The following ATP6V1A variants were observed in gnomAD, a reference collection of about 807,000 sequenced individuals.
ATP6V1A encodes the protein ATPase H+ transporting V1 subunit A.
A neutral mutation model predicts 70.1 loss-of-function variants in ATP6V1A; 18 were observed. The ratio of observed to expected loss-of-function variants is 0.26; its 90% CI spans 0.18 to 0.38. The LOEUF is 0.38. ATP6V1A is among the 10% of genes least tolerant of loss of function. The pLI is 1.00. For missense variants in ATP6V1A, 424 were observed against 772.4 expected (o/e 0.55, Z 5.35); for synonymous variants, 232 against 253.8 (o/e 0.91, Z 0.82).
In ATP6V1A at chr3:113,759,005, T is replaced by C. The variant is rs1359703613; in HGVS notation, c.-14+11892T>C. On this transcript the variant is annotated intron_variant, in intron 1 of 14. Transcript: ENST00000273398. ...TGTTCAAATCTTTTGCCTGTTTTAATTGAGTTTTCCTATTATTGAGTTTTG... is the reference window on the plus strand; with the variant it reads ...TGTTCAAATCTTTTGCCTGTTTTAACTGAGTTTTCCTATTATTGAGTTTTG... Among the ~76,000 whole-genome samples the C allele has an allele frequency of 2.0e-5, 3 of 152,218 alleles. No individual in the cohort carries two copies. In the East Asian group the frequency reaches 5.8e-4, roughly 29 times the overall value.
intron 11 of ATP6V1A, among the ~76,000 whole-genome samples, chr3:113,796,312 C>G (rs1187628927): frequency 1.3e-5 from 2 of 152,152 alleles, no homozygotes; most frequent in African/African-American, 2.4e-5. Context: ...ATCCAAGGCT[C>G]TCTTCTGTTT....
intron 3 of ATP6V1A, among the ~76,000 whole-genome samples, chr3:113,781,812 A>G (rs935704728): frequency 6.6e-6 from 1 of 152,206 alleles, no homozygotes; most frequent in Non-Finnish European, 1.5e-5. Context: ...ACAGAATAAC[A>G]ATATTGACTT....
Position 113,807,141 on chromosome 3 carries a change from C to T in ATP6V1A, c.1761+1616C>T, listed in dbSNP as rs186619962. On this transcript the variant is annotated intron_variant, in intron 14 of 14. Transcript: ENST00000273398. ...AAAGGAAGTAATCAGAATTTTGATA[C>T]GGATATACACGGTCGTTTATTAAAT... Among the ~76,000 whole-genome samples the T allele has an allele frequency of 3.6e-4, 55 of 151,082 alleles. 1 individual carries two copies. The Middle Eastern group carries it at 0.01, about 28-fold the overall frequency.
Position 113,798,323 on chromosome 3 carries a change from T to C in ATP6V1A, c.1371T>C (p.Tyr457=). 2 of 1,614,024 alleles carry C rather than the reference T, an allele frequency of 1.2e-6. No homozygotes were observed. The highest frequency in any genetic ancestry group is 2.2e-5 in the East Asian group (1 of 44,880). The change falls in exon 12 of 15, where the codon TAT becomes TAC. Residue 457 remains tyrosine (Y), a synonymous_variant. Coordinates refer to ENST00000273398, the MANE Select transcript of ATP6V1A (RefSeq NM_001690.4). ...ATTGGCTCATCAGCTACAGCAAGTA[T>C]ATGCGTGCCTTGGATGAATACTATG... ...SVNWLISYSK[Y]MRALDEYYDK...
At chr3:113,770,139 C>T (rs902769675) in intron 1 of ATP6V1A, among the ~76,000 whole-genome samples, 15 of 151,984 alleles carry the variant, frequency 9.9e-5, no homozygotes, top group African/African-American at 3.1e-4. Context: ...ACCTCCACCT[C>T]CCGGGTTCAA....
At position 113,794,894 on chromosome 3, in the gene ATP6V1A, C is replaced by A. The variant is rs753415098; in HGVS notation, c.1011C>A (p.Phe337Leu). 1 of 1,613,380 alleles carries A rather than the reference C, an allele frequency of 6.2e-7. No individual in the cohort carries two copies. The highest frequency in any genetic ancestry group is 1.1e-5 in the South Asian group (1 of 90,940). Residue 337 changes from phenylalanine (F) to leucine (L), a missense_variant, in exon 9 of 15, where the codon TTC (phenylalanine) becomes TTA (leucine). Phe to Leu is a conservative substitution (Grantham distance 22). Transcript: ENST00000273398. ...TAGGAATCACACTGTCAGAGTACTT[C>A]CGTGACATGGGCTATCATGTCAGTA... ...IYTGITLSEY[F>L]RDMGYHVSMM...
chr3:113,755,306 C>T (rs2108007974), intron 1 of ATP6V1A, among the ~76,000 whole-genome samples: 1 of 151,502 alleles, frequency 6.6e-6, no homozygotes, highest in African/African-American at 2.4e-5. Flanking sequence ...ACATAAGGAC[C>T]GTATATATAT....
chr3:113,795,776 A>G, intron 10 of ATP6V1A, 100 bp from the exon 11 acceptor site: 1 of 905,276 alleles, frequency 1.1e-6, no homozygotes, highest in Non-Finnish European at 1.6e-6. Context: ...TTACATTAAA[A>G]TCGACTTTAA....
chr3:113,782,938 G>A (rs1708996091), intron 3 of ATP6V1A, among the ~76,000 whole-genome samples: 1 of 152,052 alleles, frequency 6.6e-6, no homozygotes, highest in Non-Finnish European at 1.5e-5. Flanking sequence ...TTAAAAGTAT[G>A]TGTATTCTAG....
intron 1 of ATP6V1A, among the ~76,000 whole-genome samples, chr3:113,773,988 C>T (rs1328320471): frequency 6.6e-6 from 1 of 151,688 alleles, no homozygotes; most frequent in East Asian, 1.9e-4. Flanking sequence ...GCAGCTGGCA[C>T]ATCATCAATG....
intron 1 of ATP6V1A, among the ~76,000 whole-genome samples, chr3:113,772,449 T>C (rs1023160387): frequency 1.1e-4 from 16 of 152,174 alleles, no homozygotes; most frequent in African/African-American, 3.6e-4. Flanking sequence ...AAAATGGGGC[T>C]GGGCACCATG....
intron 1 of ATP6V1A, among the ~76,000 whole-genome samples, chr3:113,756,385 A>G (rs1041367067): frequency 6.6e-5 from 10 of 152,228 alleles, no homozygotes; most frequent in African/African-American, 2.4e-4. Flanking sequence ...AGCCATGTCA[A>G]AGGTAAGTAC....
chr3:113,783,472 G>A (rs530483736), intron 3 of ATP6V1A, among the ~76,000 whole-genome samples: 2 of 152,074 alleles, frequency 1.3e-5, no homozygotes, highest in Admixed American at 6.6e-5. Flanking sequence ...TTTAGGTTTT[G>A]TCCAAGTACT....
intron 7 of ATP6V1A, among the ~76,000 whole-genome samples, chr3:113,789,087 G>T (rs541055256): frequency 1.0e-3 from 152 of 151,988 alleles, no homozygotes; most frequent in African/African-American, 3.1e-3. Flanking sequence ...CACTCTTTTT[G>T]CCCAGGCTGG....
At chr3:113,787,627 A>C (rs959131000) in intron 6 of ATP6V1A, among the ~76,000 whole-genome samples, 4 of 152,248 alleles carry the variant, frequency 2.6e-5, no homozygotes, top group Admixed American at 1.3e-4. Context: ...ATGCACAGGA[A>C]TAGATCTCCC....
chr3:113,769,364 T>TA (rs905939168), intron 1 of ATP6V1A, among the ~76,000 whole-genome samples: 12 of 152,222 alleles, frequency 7.9e-5, no homozygotes, highest in African/African-American at 2.4e-4. Context: ...GAATCTTTTT[T>TA]AAAAAAAATC....
intron 8 of ATP6V1A, among the ~76,000 whole-genome samples, chr3:113,793,041 G>T (rs958663298): frequency 2.0e-5 from 3 of 151,652 alleles, no homozygotes; most frequent in Non-Finnish European, 2.9e-5. Context: ...ACTCTTTTTG[G>T]TTTTTTGTTG....
At chr3:113,806,011 G>A (rs1709272085) in intron 14 of ATP6V1A, among the ~76,000 whole-genome samples, 1 of 152,152 alleles carries the variant, frequency 6.6e-6, no homozygotes, top group Non-Finnish European at 1.5e-5. Flanking sequence ...TGGTTCTCAT[G>A]CCTGTAATCC....
intron 1 of ATP6V1A, among the ~76,000 whole-genome samples, chr3:113,766,626 A>G (rs886513853): frequency 6.6e-6 from 1 of 152,086 alleles, no homozygotes; most frequent in Admixed American, 6.6e-5. Flanking sequence ...CACTAATCCC[A>G]TTCATGAGGG....
Sources: gnomAD v4.1 joint callset for allele counts (sites outside exome capture counted in the v4.1 genomes callset) on GRCh38, gnomAD v4.1.1 for gene constraint, MANE v1.5 for transcripts, NCBI Gene and HGNC (gene_info 2026-07-23, HGNC 2026-07-21) for gene names.